FAM47E: variants seen among roughly 807,000 people sequenced by gnomAD.
The protein encoded by FAM47E is protein FAM47E.
Under a neutral mutation model 41.6 loss-of-function variants are expected in FAM47E, and 32 were observed. The observed-to-expected ratio is 0.77, with a 90% CI of 0.58 to 1.03. FAM47E has a LOEUF of 1.03. FAM47E is among the 50% of genes least tolerant of loss of function. The pLI is 0.00. For missense variants in FAM47E, 424 were observed against 485.4 expected, an observed-to-expected ratio of 0.87 and a Z score of 1.19; for synonymous variants, 184 against 188.7, an observed-to-expected ratio of 0.98 and a Z score of 0.20.
At chr4:76,242,364 T>C (rs1240733469) in intron 2 of FAM47E, among the ~76,000 whole-genome samples, 1 of 152,202 alleles carries the variant, frequency 6.6e-6, no homozygotes, top group Non-Finnish European at 1.5e-5. Flanking sequence ...GTGAGATGCC[T>C]GTGCCCCTTT....
At chr4:76,236,925 T>C (rs1199299529) in intron 2 of FAM47E, among the ~76,000 whole-genome samples, 1 of 149,732 alleles carries the variant, frequency 6.7e-6, no homozygotes, top group African/African-American at 2.5e-5. Flanking sequence ...AGATAGAGTC[T>C]CACTGTGTCA....
At chr4:76,276,070 C>CACACA (rs1452874811) in intron 5 of FAM47E, among the ~76,000 whole-genome samples, 3,553 of 142,844 alleles carry the variant, frequency 0.025, 61 homozygotes, top group African/African-American at 0.031. Flanking sequence ...ACACACACAC[C>CACACA]CCTCCCCTAC....
Position 76,235,432 on chromosome 4 carries a change from T to C in FAM47E, c.81+17744T>C, listed in dbSNP as rs780303632. On this transcript the variant is annotated intron_variant, in intron 2 of 7. Coordinates refer to the FAM47E transcript ENST00000510197. ...AATTAAGGTGGGGATTAGAAGGAGT[T>C]AGGAAGAGAAGCCTCCTATGCCAGG... is the stretch of plus-strand genomic sequence containing the variant. Among the ~76,000 whole-genome samples the C allele has an allele frequency of 6.6e-5, 10 of 152,304 alleles. No homozygotes were observed. The South Asian group carries it at 1.7e-3, about 25-fold the overall frequency.
intron 2 of FAM47E, among the ~76,000 whole-genome samples, chr4:76,237,193 C>A (rs560766018): frequency 5.9e-5 from 9 of 151,904 alleles, no homozygotes; most frequent in Non-Finnish European, 1.2e-4. Context: ...CCGCGCCTGG[C>A]CATAAAATGT....
chr4:76,273,834 TG>T (rs1279424951), intron 5 of FAM47E, among the ~76,000 whole-genome samples: 1 of 149,218 alleles, frequency 6.7e-6, no homozygotes, highest in Non-Finnish European at 1.5e-5. Flanking sequence ...TGTGTTTCTA[TG>T]GCTATGTCGT....
chr4:76,237,365 G>GTTTTT (rs1560733023), intron 2 of FAM47E, among the ~76,000 whole-genome samples: 1 of 71,688 alleles, frequency 1.4e-5, no homozygotes, highest in Admixed American at 1.4e-4. Context: ...TTTTTTTTTT[G>GTTTTT]TTTGTTTGTT....
At chr4:76,235,083 C>T (rs1733561320) in intron 2 of FAM47E, among the ~76,000 whole-genome samples, 1 of 151,952 alleles carries the variant, frequency 6.6e-6, no homozygotes, top group Non-Finnish European at 1.5e-5. Flanking sequence ...TCTGGGAGGC[C>T]GAGGCGGGCA....
At chr4:76,250,540 G>A (rs1472128516), upstream of FAM47E, among the ~76,000 whole-genome samples, 1 of 152,032 alleles carries the variant, frequency 6.6e-6, no homozygotes, top group Non-Finnish European at 1.5e-5. Context: ...CTTTTGCTGT[G>A]TAGAAGCTTT....
chr4:76,217,610 G>A (rs1733231782), exon 2 of FAM47E: 3 of 597,622 alleles, frequency 5.0e-6, no homozygotes, highest in Non-Finnish European at 9.1e-6. Flanking sequence ...CTCATCCAAT[G>A]CAGATGTCTG....
intron 2 of FAM47E, among the ~76,000 whole-genome samples, chr4:76,230,644 T>TGA (rs1267806181): frequency 6.6e-6 from 1 of 152,084 alleles, no homozygotes; most frequent in Non-Finnish European, 1.5e-5. Flanking sequence ...CTGGGGTATG[T>TGA]GAGAGAGAGA....
chr4:76,274,923 AT>A (rs1735035204), intron 5 of FAM47E, among the ~76,000 whole-genome samples: 1 of 152,108 alleles, frequency 6.6e-6, no homozygotes, highest in Admixed American at 6.5e-5. Flanking sequence ...TGTCATCTCA[AT>A]TCAGAGAGTC....
At chr4:76,253,149 C>T (rs1734042848) in intron 1 of FAM47E, among the ~76,000 whole-genome samples, 1 of 152,182 alleles carries the variant, frequency 6.6e-6, no homozygotes, top group African/African-American at 2.4e-5. Flanking sequence ...GAGACTGGCT[C>T]TTTTTCACTC....
At chr4:76,214,354 G>A (rs567640375) in exon 1 of FAM47E, 1 of 452,672 alleles carries the variant, frequency 2.2e-6, no homozygotes, top group South Asian at 1.6e-5. Flanking sequence ...AGTTTGTCAC[G>A]TAAGGGGCAT....
At chr4:76,232,801 A>G (rs1034865195) in intron 2 of FAM47E, among the ~76,000 whole-genome samples, 51 of 152,216 alleles carry the variant, frequency 3.4e-4, no homozygotes, top group Non-Finnish European at 1.0e-4. Context: ...TGATTTTTGG[A>G]AGGCTGTTAA....
chr4:76,218,849 C>T (rs1193299585), intron 2 of FAM47E, among the ~76,000 whole-genome samples: 1 of 152,156 alleles, frequency 6.6e-6, no homozygotes, highest in Non-Finnish European at 1.5e-5. Flanking sequence ...GTGAATATGT[C>T]AGCAATATTA....
intron 5 of FAM47E, among the ~76,000 whole-genome samples, chr4:76,276,944 C>CA (rs1333995536): frequency 6.6e-6 from 1 of 152,186 alleles, no homozygotes; most frequent in Non-Finnish European, 1.5e-5. Context: ...TAGAATGCCC[C>CA]ACACATTCTG....
intron 2 of FAM47E, chr4:76,217,832 G>T: frequency 2.5e-6 from 1 of 402,732 alleles, no homozygotes; most frequent in Non-Finnish European, 4.4e-6. Context: ...GATTGCTGGT[G>T]CCTGTTGAAA....
At chr4:76,242,734 A>T (rs530646945) in intron 2 of FAM47E, among the ~76,000 whole-genome samples, 1 of 152,372 alleles carries the variant, frequency 6.6e-6, no homozygotes, top group East Asian at 1.9e-4. Context: ...AGTATGAAAA[A>T]GAATGTAAAA....
intron 2 of FAM47E, among the ~76,000 whole-genome samples, chr4:76,231,504 C>T (rs1733491728): frequency 6.7e-6 from 1 of 148,514 alleles, no homozygotes; most frequent in Non-Finnish European, 1.5e-5. Context: ...CGATTTCTCA[C>T]TCGCCAGTCC....
Sources: allele counts gnomAD v4.1 joint callset (sites outside exome capture counted in the v4.1 genomes callset), GRCh38; gene constraint gnomAD v4.1.1; transcripts MANE v1.5; gene names NCBI Gene and HGNC (gene_info 2026-07-23, HGNC 2026-07-21).